SLIT3: variants seen among roughly 807,000 people sequenced by gnomAD.
SLIT3 encodes the protein slit guidance ligand 3.
A neutral mutation model predicts 184.0 loss-of-function variants in SLIT3; 68 were observed. The observed-to-expected ratio is 0.37, with a 90% CI of 0.30 to 0.45. The LOEUF is 0.45. Among genes scored for constraint, SLIT3 ranks in the 20% least tolerant of loss-of-function variants. The pLI, the probability that SLIT3 is intolerant of heterozygous loss-of-function variation, is 1.00. For synonymous variants in SLIT3, 831 were observed against 828.6 expected (o/e 1.00, Z -0.05); for missense variants, 1,707 against 2,026.0 (o/e 0.84, Z 3.02).
intron 18 of SLIT3, chr5:168,752,268 A>T (rs1754743301): frequency 6.6e-6 from 1 of 152,312 alleles, no homozygotes; most frequent in Admixed American, 6.6e-5. Flanking sequence ...GTTGCGACCA[A>T]CCACAGGGCC....
intron 7 of SLIT3, among the ~76,000 whole-genome samples, chr5:168,822,253 G>T (rs939274630): frequency 2.8e-4 from 43 of 152,218 alleles, no homozygotes; most frequent in African/African-American, 9.6e-4. Flanking sequence ...TGATAATAAT[G>T]TAACAATCAA....
In SLIT3 at chr5:169,197,823, C is replaced by A. The variant is rs556240864; in HGVS notation, c.342-4273G>T. Among the ~76,000 whole-genome samples, 11 of 151,442 alleles carry A rather than the reference C, an allele frequency of 7.3e-5. No individual in the cohort carries two copies. In the South Asian group the frequency reaches 1.0e-3, roughly 14 times the overall value. On this transcript the variant is annotated intron_variant, in intron 3 of 35. Coordinates refer to ENST00000519560, the MANE Select transcript of SLIT3 (RefSeq NM_003062.4). ...GGGGAGCATAAAGGTAAAAAAAAAA[C>A]CAACTGGCTGCTGAGTTGCAAAGCC...
chr5:168,931,037 C>T (rs960897344), intron 4 of SLIT3, among the ~76,000 whole-genome samples: 5 of 152,160 alleles, frequency 3.3e-5, no homozygotes, highest in Admixed American at 2.6e-4. Context: ...CTCCTGATAA[C>T]CTGCTGACAG....
intron 4 of SLIT3, among the ~76,000 whole-genome samples, chr5:168,998,802 C>T (rs1234283024): frequency 6.6e-6 from 1 of 152,186 alleles, no homozygotes; most frequent in Non-Finnish European, 1.5e-5. Context: ...CCAGCAGCAT[C>T]ACTGTCACCT....
rs113847217 is a variant in SLIT3 at position 168,794,386 on chromosome 5, C to T, written c.1007+1121G>A. On this transcript the variant is annotated intron_variant, in intron 10 of 35. Transcript: ENST00000519560. ...GGCAATGGTTGGGCTGTTTCTGAAT[C>T]CTACTGTCCTCCCTGCAGAGCCCCC... Among the ~76,000 whole-genome samples the T allele has an allele frequency of 2.5e-3, 381 of 152,198 alleles. 2 individuals carry two copies. The highest frequency in any genetic ancestry group is 8.2e-3 in the African/African-American group (341 of 41,494).
intron 4 of SLIT3, among the ~76,000 whole-genome samples, chr5:169,034,294 G>A (rs886734116): frequency 2.6e-5 from 4 of 151,910 alleles, no homozygotes; most frequent in Non-Finnish European, 2.9e-5. Flanking sequence ...TGAGCCTTTG[G>A]TGCAATATCC....
At chr5:168,706,735 T>G (rs1311593555) in intron 26 of SLIT3, 1 of 152,206 alleles carries the variant, frequency 6.6e-6, no homozygotes, top group Admixed American at 6.5e-5. Context: ...TTGGCTCTCT[T>G]GTCCCAGGCC....
chr5:168,888,015 T>C (rs1260363380), intron 4 of SLIT3, among the ~76,000 whole-genome samples: 1 of 152,150 alleles, frequency 6.6e-6, no homozygotes, highest in African/African-American at 2.4e-5. Context: ...TCTAGATTCT[T>C]TTGGATAAAA....
chr5:168,775,132 G>T (rs112163296), intron 12 of SLIT3, among the ~76,000 whole-genome samples: 7,702 of 151,600 alleles, frequency 0.051, 238 homozygotes, highest in Non-Finnish European at 0.073. Context: ...CCGCCTCTTG[G>T]GTTCAAGCAA....
chr5:169,121,803 G>A (rs1341221328), intron 4 of SLIT3, among the ~76,000 whole-genome samples: 1 of 152,166 alleles, frequency 6.6e-6, no homozygotes, highest in Admixed American at 6.5e-5. Context: ...GAGCAGGAAG[G>A]GCCCTGGCCA....
intron 8 of SLIT3, among the ~76,000 whole-genome samples, chr5:168,815,207 C>T (rs769123880): frequency 1.4e-4 from 22 of 152,206 alleles, no homozygotes; most frequent in African/African-American, 4.3e-4. Flanking sequence ...CGAACCTGTC[C>T]GCTGGACCTA....
At chr5:168,943,406 A>G (rs959544281) in intron 4 of SLIT3, among the ~76,000 whole-genome samples, 1 of 152,246 alleles carries the variant, frequency 6.6e-6, no homozygotes, top group African/African-American at 2.4e-5. Context: ...TGGTGAATCC[A>G]AATAGTCAAC....
intron 4 of SLIT3, among the ~76,000 whole-genome samples, chr5:169,088,448 A>G (rs2221839): frequency 0.053 from 7,973 of 151,844 alleles, 279 homozygotes; most frequent in East Asian, 0.14. Context: ...AATGACAACA[A>G]AAACAATTGG....
chr5:168,818,156 G>A (rs1347924243), intron 7 of SLIT3, among the ~76,000 whole-genome samples: 1 of 152,084 alleles, frequency 6.6e-6, no homozygotes, highest in Non-Finnish European at 1.5e-5. Flanking sequence ...CAGTGCCCTT[G>A]CTTTCCTTCC....
rs562899092 is a variant in SLIT3 at position 168,869,701 on chromosome 5, CAG to C, written c.485+13562_485+13563del. ...AGAAAGAGGAGTACAACCTTAAAAA[CAG>C]AATGCTAATTAGCTGGGAAATCTTG... is the stretch of plus-strand genomic sequence containing the variant. On this transcript the variant is annotated intron_variant, in intron 5 of 35. Coordinates refer to ENST00000519560, the MANE Select transcript of SLIT3 (RefSeq NM_003062.4). 1.6e-3 allele frequency among the ~76,000 whole-genome samples: 250 copies of C among 152,276 alleles called. 1 individual carries two copies. Among genetic ancestry groups the C allele is most frequent in the African/African-American group, 5.6e-3 (234 of 41,560 alleles).
intron 4 of SLIT3, among the ~76,000 whole-genome samples, chr5:169,062,002 G>T (rs548178557): frequency 2.0e-5 from 3 of 152,140 alleles, no homozygotes; most frequent in South Asian, 2.1e-4. Flanking sequence ...GGCTAACATG[G>T]TGAAACCCCG....
At position 168,692,719 on chromosome 5, in the gene SLIT3, A is replaced by G. The variant is rs779838162; in HGVS notation, c.3083-19T>C. 1.9e-5 allele frequency: 30 copies of G among 1,594,474 alleles called. 1 individual carries two copies. The Middle Eastern group carries it at 2.8e-3, about 150-fold the overall frequency. On this transcript the variant is annotated intron_variant, in intron 28 of 35. Coordinates refer to ENST00000519560, the MANE Select transcript of SLIT3 (RefSeq NM_003062.4). ...AGCTCACCTGGCACAGATGGGGGAG[A>G]TAGCTCAGGCCTCAGGCAGGGTAGG...
chr5:168,742,079 A>G lies in SLIT3; in HGVS notation c.2270+6223T>C, dbSNP rs376029330. On this transcript the variant is annotated intron_variant, in intron 20 of 35. Coordinates refer to ENST00000519560, the MANE Select transcript of SLIT3 (RefSeq NM_003062.4). ...AGAACATTCTAGGCCGGGAGAATAT[A>G]AATGCCCTGGACAGAGGCCCTGAAG... is the stretch of plus-strand genomic sequence containing the variant. 9.0e-4 allele frequency among the ~76,000 whole-genome samples: 112 copies of G among 124,562 alleles called. 1 individual carries two copies. The East Asian group carries it at 0.021, about 23-fold the overall frequency. The allele number at this position is 124,562 out of a possible 152,430, so 81.7% of individuals were successfully genotyped here.
At chr5:169,281,187 T>C (rs1766980242) in intron 1 of SLIT3, among the ~76,000 whole-genome samples, 1 of 152,192 alleles carries the variant, frequency 6.6e-6, no homozygotes, top group South Asian at 2.1e-4. Flanking sequence ...CCTAATCTTA[T>C]TATAAAATGG....
Sources: gnomAD v4.1 joint callset for allele counts (sites outside exome capture counted in the v4.1 genomes callset) on GRCh38, gnomAD v4.1.1 for gene constraint, MANE v1.5 for transcripts, NCBI Gene and HGNC (gene_info 2026-07-23, HGNC 2026-07-21) for gene names.